Variants in COMP observed in about 807,000 individuals in gnomAD.
COMP encodes cartilage oligomeric matrix protein.
In COMP, 79 loss-of-function variants were observed where a neutral mutation model predicts 95.8. That is an observed-to-expected ratio of 0.82 (90% CI 0.69 to 0.99). The LOEUF (loss-of-function observed/expected upper bound fraction) is 0.99, where lower values mean the gene tolerates loss of function less well. Ranked by LOEUF, COMP falls within the 50% of genes least tolerant of loss-of-function variation. The pLI, the probability that COMP is intolerant of heterozygous loss-of-function variation, is 0.00. For missense variants in COMP, 906 were observed against 1,076.1 expected (o/e 0.84, Z 2.21); for synonymous variants, 438 against 433.9 (o/e 1.01, Z -0.12).
chr19:18,787,526 C>T lies in COMP; in HGVS notation c.1100G>A (p.Arg367Gln), dbSNP rs748999247. ...DDQKDTDQDG[R>Q]GDACDDDIDG... Reference sequence around the variant, plus strand: ...GATGTCGTCGTCGCACGCATCGCCCCGGCCGTCCTGGTCTGTGTCCTTTTG... The same window carrying T: ...GATGTCGTCGTCGCACGCATCGCCCTGGCCGTCCTGGTCTGTGTCCTTTTG... The change falls in exon 10 of 19, where the codon CGG (arginine) becomes CAG (glutamine). Residue 367 changes from arginine (R) to glutamine (Q), a missense_variant. By Grantham distance (43) the Arg-to-Gln change is conservative (BLOSUM62 1). Transcript: ENST00000222271. 5.0e-6 allele frequency: 8 copies of T among 1,613,720 alleles called. No homozygotes were observed. In the Admixed American group the frequency reaches 1.3e-4, roughly 27 times the overall value.
Position 18,784,892 on chromosome 19 carries a change from G to A in COMP, c.1914+4C>T. ...CAGAGGTCAGGCACGGACGGCCCTG[G>A]CACCTTGAGTTGGATGCCAGGCTCG... On this transcript the variant is annotated splice_donor_region_variant and intron_variant, in intron 16 of 18. Coordinates refer to ENST00000222271, the MANE Select transcript of COMP (RefSeq NM_000095.3). This position sits in a 1 kb window ranked among gnomAD's most constrained non-coding sequence, Gnocchi z 4.9. The A allele has an allele frequency of 1.2e-6, 2 of 1,613,596 alleles. No individual in the cohort carries two copies. Among genetic ancestry groups the A allele is most frequent in the Non-Finnish European group, 1.7e-6 (2 of 1,179,956 alleles).
Position 18,786,353 on chromosome 19 carries a change from C to T in COMP, c.1255-62G>A, listed in dbSNP as rs147630181. 2.3e-4 allele frequency: 377 copies of T among 1,610,878 alleles called. 2 individuals carry two copies. In the East Asian group the frequency reaches 7.2e-3, roughly 31 times the overall value. On this transcript the variant is annotated intron_variant, in intron 11 of 18. Transcript: ENST00000222271. ...AGAGGAAATCAGAAAGCCTCCCACC[C>T]AACCCAGCCGCACAGCCAAGGTCCT...
intron 1 of COMP, 68 bp downstream of exon 1, chr19:18,791,123 G>T (rs2055210409): frequency 1.3e-6 from 2 of 1,532,374 alleles, no homozygotes; most frequent in Admixed American, 2.0e-5. Context: ...CCTGGATCCC[G>T]GGCCTCTCAC....
chr19:18,789,214 G>A lies in COMP; in HGVS notation c.474C>T (p.Tyr158=), dbSNP rs907181708. 5 of 1,540,820 alleles carry A rather than the reference G, an allele frequency of 3.2e-6. No individual in the cohort carries two copies. The highest frequency in any genetic ancestry group is 4.3e-6 in the Non-Finnish European group (5 of 1,151,808). Reference sequence around the variant, plus strand: ...CCACGCCCTGGTGGGTGGGGCCGCTGTACCCCGGCGGGCAAGCCTCGCAGC... The same window carrying A: ...CCACGCCCTGGTGGGTGGGGCCGCTATACCCCGGCGGGCAAGCCTCGCAGC... ...GFRCEACPPG[Y]SGPTHQGVGL... The change falls in exon 5 of 19, where the codon TAC becomes TAT. Residue 158 remains tyrosine (Y), a synonymous_variant. Coordinates refer to ENST00000222271, the MANE Select transcript of COMP (RefSeq NM_000095.3). The surrounding 1 kb of genome is among the most constrained non-coding windows in gnomAD (Gnocchi z 6.1).
At chr19:18,786,346 TCCCA>T in intron 11 of COMP, 55 bp from the exon 12 acceptor site, 1 of 1,611,838 alleles carries the variant, frequency 6.2e-7, no homozygotes, top group African/African-American at 1.3e-5. Context: ...TCAGAAAGCC[TCCCA>T]CCCAACCCAG....
In COMP at chr19:18,782,818, T is replaced by A; in HGVS notation, c.*97A>T. 7.3e-7 allele frequency: 1 copy of A among 1,377,278 alleles called. No homozygotes were observed. The highest frequency in any genetic ancestry group is 1.0e-6 in the Non-Finnish European group (1 of 980,396). The allele number at this position is 1,377,278 out of a possible 1,614,324, so 85.3% of individuals were successfully genotyped here. A position where few individuals can be genotyped will look rare whatever the true frequency, so the allele number is the denominator to read the frequency against. On this transcript the variant is annotated 3_prime_UTR_variant, in exon 19 of 19. Coordinates refer to ENST00000222271, the MANE Select transcript of COMP (RefSeq NM_000095.3). Reference sequence around the variant, plus strand: ...TTTGTCCTCTCTGAGCCCTTCTCACTTCCCCCTCAGGACGGCCACCCCTTG... The same window carrying A: ...TTTGTCCTCTCTGAGCCCTTCTCACATCCCCCTCAGGACGGCCACCCCTTG...
At chr19:18,785,927 TG>T in intron 13 of COMP, 37 bp downstream of exon 13, 1 of 1,581,422 alleles carries the variant, frequency 6.3e-7, no homozygotes, top group Non-Finnish European at 8.6e-7. Context: ...GAGCCCCCAC[TG>T]GCCCCGCCCC....
At position 18,789,311 on chromosome 19, in the gene COMP, G is replaced by A. The variant is rs779567566; in HGVS notation, c.391-14C>T. 2 of 1,473,162 alleles carry A rather than the reference G, an allele frequency of 1.4e-6. No homozygotes were observed. The highest frequency in any genetic ancestry group is 2.4e-5 in the East Asian group (1 of 41,454). The allele number at this position is 1,473,162 out of a possible 1,614,324, so 91.3% of individuals were successfully genotyped here. ...GTGGGCGTTGCACTGGGGGAGGAGGGGCCACAGAGGGTCAGAGGGCTTCGA... is the reference window on the plus strand; with the variant it reads ...GTGGGCGTTGCACTGGGGGAGGAGGAGCCACAGAGGGTCAGAGGGCTTCGA... On this transcript the variant is annotated splice_polypyrimidine_tract_variant and intron_variant, in intron 4 of 18. Transcript: ENST00000222271. The surrounding 1 kb of genome is among the most constrained non-coding windows in gnomAD (Gnocchi z 6.1).
Position 18,788,708 on chromosome 19 carries a change from C to A in COMP, c.646G>T (p.Asp216Tyr), listed in dbSNP as rs1247174117. 65 of 1,541,420 alleles carry A rather than the reference C, an allele frequency of 4.2e-5. No individual in the cohort carries two copies. Among genetic ancestry groups the A allele is most frequent in the Non-Finnish European group, 5.6e-5 (64 of 1,144,874 alleles). ...CGPCQPGFVG[D>Y]QASGCQRRAQ... ...CGCCGCTGGCAGCCGGACGCCTGGTCGCCCACGAAGCCGGGCTGGCACGGG... is the reference window on the plus strand; with the variant it reads ...CGCCGCTGGCAGCCGGACGCCTGGTAGCCCACGAAGCCGGGCTGGCACGGG... Residue 216 changes from aspartate (D) to tyrosine (Y), a missense_variant, in exon 7 of 19, where the codon GAC becomes TAC. Asp to Tyr is a radical substitution (Grantham distance 160). Transcript: ENST00000222271. The surrounding 1 kb of genome is among the most constrained non-coding windows in gnomAD (Gnocchi z 4.7).
intron 9 of COMP, 116 bp from the exon 10 acceptor site, chr19:18,787,766 T>C: frequency 1.4e-6 from 2 of 1,411,390 alleles, no homozygotes; most frequent in Non-Finnish European, 2.0e-6. Context: ...TCGCCCCTCC[T>C]AGACCACGGA....
rs1464641824 is a variant in COMP, at chr19:18,790,114, C to T, written c.218G>A (p.Gly73Glu). 6.5e-7 allele frequency: 1 copy of T among 1,529,030 alleles called. No individual in the cohort carries two copies. Among genetic ancestry groups the T allele is most frequent in the Admixed American group, 2.0e-5 (1 of 50,158 alleles). 94.7% of individuals were successfully genotyped at this position (1,529,030 alleles called of 1,614,324 possible). The part of the protein sequence containing the change: ...KNTVMECDAC[G>E]MQQSVRTGLP... Reference sequence around the variant, plus strand: ...GCCGGTGCGTACTGACTGCTGCATCCCTGCGGGGGGGAGGGGGGAGAAGCG... The same window carrying T: ...GCCGGTGCGTACTGACTGCTGCATCTCTGCGGGGGGGAGGGGGGAGAAGCG... The change falls in exon 4 of 19, where the codon GGG becomes GAG. Residue 73 changes from glycine to glutamate, a missense_variant and splice_region_variant. Coordinates refer to ENST00000222271, the MANE Select transcript of COMP (RefSeq NM_000095.3).
In COMP at chr19:18,789,912, C is replaced by T; in HGVS notation, c.390+30G>A. On this transcript the variant is annotated intron_variant, in intron 4 of 18. Coordinates refer to ENST00000222271, the MANE Select transcript of COMP (RefSeq NM_000095.3). The surrounding 1 kb of genome is among the most constrained non-coding windows in gnomAD (Gnocchi z 6.1). The stretch of plus-strand genomic sequence containing the variant: ...ATTGGGGGGCGGTAGAGGGAGTCGT[C>T]AGGGCGGTGGAGTGTCGGGGCTAGC... 2 of 1,594,214 alleles carry T rather than the reference C, an allele frequency of 1.3e-6. No homozygotes were observed. The highest frequency in any genetic ancestry group is 8.5e-7 in the Non-Finnish European group (1 of 1,178,318).
chr19:18,787,486 C>T lies in COMP; in HGVS notation c.1135+5G>A, dbSNP rs1208149851. ...TCCTCGCCCCCCAACCCCCATCGAGCTCACGGTCGCCGTCGATGTCGTCGT... is the reference window on the plus strand; with the variant it reads ...TCCTCGCCCCCCAACCCCCATCGAGTTCACGGTCGCCGTCGATGTCGTCGT... On this transcript the variant is annotated splice_donor_5th_base_variant and intron_variant, in intron 10 of 18. Transcript: ENST00000222271. 1 of 1,611,448 alleles carries T rather than the reference C, an allele frequency of 6.2e-7. No homozygotes were observed. Among genetic ancestry groups the T allele is most frequent in the Non-Finnish European group, 8.5e-7 (1 of 1,179,952 alleles).
intron 2 of COMP, 79 bp downstream of exon 2, chr19:18,790,771 G>C: frequency 6.3e-7 from 1 of 1,589,834 alleles, no homozygotes; most frequent in African/African-American, 1.3e-5. Flanking sequence ...ACCTTCTCGG[G>C]TACTTCCTCT....
At chr19:18,787,799 A>T (rs1292747084) in intron 9 of COMP, 149 bp from the exon 10 acceptor site, 1 of 970,868 alleles carries the variant, frequency 1.0e-6, no homozygotes, top group Non-Finnish European at 1.6e-6. Context: ...CATCCAAGCC[A>T]CGCCCCATCC....
Position 18,791,216 on chromosome 19 carries a change from C to G in COMP, c.54G>C (p.Ala18=). 6.3e-7 allele frequency: 1 copy of G among 1,593,928 alleles called. No homozygotes were observed. Among genetic ancestry groups the G allele is most frequent in the Non-Finnish European group, 8.5e-7 (1 of 1,171,884 alleles). ...VLLLTLAALG[A]SGQGQSPLGS... ...CCAACGGGCTCTGGCCCTGTCCGGA[C>G]GCGCCGAGGGCAGCCAGGGTGAGCA... Residue 18 remains alanine (A), a synonymous_variant, in exon 1 of 19, where the codon GCG becomes GCC. Coordinates refer to ENST00000222271, the MANE Select transcript of COMP (RefSeq NM_000095.3).
intron 9 of COMP, among the ~76,000 whole-genome samples, chr19:18,787,996 C>T (rs1241606764): frequency 1.3e-5 from 2 of 151,440 alleles, no homozygotes; most frequent in African/African-American, 4.9e-5. Flanking sequence ...CTCCGCCTCC[C>T]GGGTTCAAGC....
intron 10 of COMP, 111 bp from the exon 11 acceptor site, chr19:18,786,761 AGC>A: frequency 8.2e-6 from 3 of 365,946 alleles, no homozygotes; most frequent in East Asian, 6.6e-5. Flanking sequence ...ACTTCATGGA[AGC>A]TTTTTTTTTT....
intron 11 of COMP, 95 bp downstream of exon 11, chr19:18,786,437 C>T (rs931273850): frequency 2.0e-6 from 3 of 1,521,668 alleles, no homozygotes; most frequent in African/African-American, 2.7e-5. Flanking sequence ...ATTTCTCTGG[C>T]AGTGTAAAAT....
Sources: gnomAD v4.1 joint callset for allele counts (sites outside exome capture counted in the v4.1 genomes callset) on GRCh38, gnomAD v4.1.1 for gene constraint, Gnocchi (gnomAD v3.1) non-coding constraint, MANE v1.5 for transcripts, NCBI Gene and HGNC (gene_info 2026-07-23, HGNC 2026-07-21) for gene names.